The following SSH2 variants were observed in gnomAD, a reference collection of about 807,000 sequenced individuals.
SSH2 encodes slingshot protein phosphatase 2, also known as protein phosphatase Slingshot homolog 2.
SSH2 carries 37 observed loss-of-function variants against 135.2 expected under a neutral mutation model. The observed-to-expected ratio is 0.27, with a 90% CI of 0.21 to 0.36. The LOEUF (loss-of-function observed/expected upper bound fraction) is 0.36. Among genes scored for constraint, SSH2 ranks in the 10% least tolerant of loss-of-function variants. The pLI, the probability that SSH2 is intolerant of heterozygous loss-of-function variation, is 1.00. For missense variants in SSH2, 1,408 were observed against 1,765.3 expected, an observed-to-expected ratio of 0.80 and a Z score of 3.63; for synonymous variants, 628 against 646.2, an observed-to-expected ratio of 0.97 and a Z score of 0.43.
At chr17:29,719,411 C>A (rs2039741679) in intron 3 of SSH2, among the ~76,000 whole-genome samples, 1 of 151,306 alleles carries the variant, frequency 6.6e-6, no homozygotes, top group Non-Finnish European at 1.5e-5. Context: ...ACTCGGGAGG[C>A]TAAGGCAGGA....
intron 1 of SSH2, among the ~76,000 whole-genome samples, chr17:29,861,059 T>C (rs2065756228): frequency 6.6e-6 from 1 of 152,164 alleles, no homozygotes; most frequent in Non-Finnish European, 1.5e-5. Context: ...GGCCCACTTT[T>C]AAATGGAGTT....
chr17:29,854,607 A>G (rs569091397), intron 1 of SSH2, among the ~76,000 whole-genome samples: 1 of 151,842 alleles, frequency 6.6e-6, no homozygotes, highest in Admixed American at 6.6e-5. Context: ...TGTAAAATCT[A>G]ACTTGTTCAG....
chr17:29,663,097 G>A (rs998605278), intron 11 of SSH2, among the ~76,000 whole-genome samples: 2 of 151,808 alleles, frequency 1.3e-5, no homozygotes, highest in Non-Finnish European at 2.9e-5. Context: ...AAACACCCTG[G>A]CTTCCCACCA....
chr17:29,833,644 T>TTTCC (rs113649605), intron 2 of SSH2, among the ~76,000 whole-genome samples: 40 of 132,366 alleles, frequency 3.0e-4, no homozygotes, highest in South Asian at 2.9e-3. Context: ...TCTGTTTTTT[T>TTTCC]TTCCTTCCTT....
intron 1 of SSH2, among the ~76,000 whole-genome samples, chr17:29,871,825 G>C (rs2065940724): frequency 6.6e-6 from 1 of 152,152 alleles, no homozygotes. Flanking sequence ...AAATCTTAAA[G>C]ATGTTCATGA....
At chr17:29,709,050 A>AGAGAGC (rs982312745) in intron 3 of SSH2, among the ~76,000 whole-genome samples, 1 of 145,574 alleles carries the variant, frequency 6.9e-6, no homozygotes, top group Admixed American at 6.9e-5. Context: ...AGAGAGAGAG[A>AGAGAGC]GAGCTAATAA....
chr17:29,741,823 C>T (rs569385985), intron 3 of SSH2, among the ~76,000 whole-genome samples: 1 of 151,974 alleles, frequency 6.6e-6, no homozygotes, highest in African/African-American at 2.4e-5. Flanking sequence ...ACCATGTTGG[C>T]CAGGCTGGTG....
chr17:29,837,584 C>T (rs536258040), intron 2 of SSH2, among the ~76,000 whole-genome samples: 1 of 152,222 alleles, frequency 6.6e-6, no homozygotes, highest in South Asian at 2.1e-4. Context: ...CTGCACCACC[C>T]CCACCCTCGC....
chr17:29,659,708 T>C (rs1007470637), intron 11 of SSH2, among the ~76,000 whole-genome samples: 3 of 152,138 alleles, frequency 2.0e-5, no homozygotes, highest in Admixed American at 6.5e-5. Context: ...TTTTGTATTT[T>C]TAGTAGAGAC....
Position 29,631,903 on chromosome 17 carries a change from A to G in SSH2, c.3291T>C (p.Ser1097=), listed in dbSNP as rs1301922326. ...GCAGAGGTAGCACTTGGGGGTGCAG[A>G]GAAACCTGGTTGGGGTCCAGAGTCC... ...LNRTLDPNQV[S]LHPQVLPLPH... The change falls in exon 16 of 16, where the codon TCT becomes TCC. Residue 1097 remains serine (S), a synonymous_variant. Transcript: ENST00000540801. 8 of 1,614,090 alleles carry G rather than the reference A, an allele frequency of 5.0e-6. No individual in the cohort carries two copies. The South Asian group carries it at 7.7e-5, about 16-fold the overall frequency.
At chr17:29,915,096 T>C (rs1211142011) in intron 1 of SSH2, among the ~76,000 whole-genome samples, 2 of 152,184 alleles carry the variant, frequency 1.3e-5, no homozygotes, top group Admixed American at 6.5e-5. Context: ...TAGCATATTA[T>C]GTTCACAGAA....
Position 29,793,938 on chromosome 17 carries a change from C to T in SSH2, c.145-1G>A. ...ATTCTTCCTCCCCACTGTCTGCCTC[C>T]TGTATAGACAGAAAATGAAAAAAAA... On this transcript the variant is annotated splice_acceptor_variant, in intron 2 of 15. Transcript: ENST00000540801. LOFTEE classifies it high-confidence loss of function. 1.2e-6 allele frequency: 2 copies of T among 1,610,256 alleles called. No homozygotes were observed. Among genetic ancestry groups the T allele is most frequent in the Non-Finnish European group, 1.7e-6 (2 of 1,177,492 alleles).
At chr17:29,638,406 A>C (rs2036004993) in intron 14 of SSH2, among the ~76,000 whole-genome samples, 3 of 151,968 alleles carry the variant, frequency 2.0e-5, no homozygotes, top group African/African-American at 7.2e-5. Flanking sequence ...CTATGTTAGA[A>C]TAATATAGGA....
At chr17:29,913,386 A>ATAT (rs2066822343) in intron 1 of SSH2, among the ~76,000 whole-genome samples, 1 of 101,912 alleles carries the variant, frequency 9.8e-6, no homozygotes, top group Non-Finnish European at 1.9e-5. Flanking sequence ...ATATATATCC[A>ATAT]ATTTCTACTA....
At chr17:29,675,623 C>T (rs1244886158) in intron 8 of SSH2, among the ~76,000 whole-genome samples, 2 of 151,726 alleles carry the variant, frequency 1.3e-5, no homozygotes, top group African/African-American at 2.4e-5. Context: ...GAGAGACCCC[C>T]GTCTCCACAA....
At chr17:29,704,366 A>C (rs373329194) in intron 3 of SSH2, among the ~76,000 whole-genome samples, 53 of 152,302 alleles carry the variant, frequency 3.5e-4, no homozygotes, top group African/African-American at 1.2e-3. Context: ...CAAGATGATA[A>C]TATAGGTGGA....
intron 11 of SSH2, among the ~76,000 whole-genome samples, chr17:29,665,647 G>A (rs951522716): frequency 1.3e-5 from 2 of 152,218 alleles, no homozygotes; most frequent in African/African-American, 4.8e-5. Flanking sequence ...TGGTGAAAGT[G>A]TGTGGGAAGT....
intron 3 of SSH2, among the ~76,000 whole-genome samples, chr17:29,716,120 ACTCC>A (rs2039613688): frequency 6.6e-6 from 1 of 151,430 alleles, no homozygotes; most frequent in African/African-American, 2.4e-5. Context: ...CCTTGGTCCC[ACTCC>A]CTCATCTCCT....
At chr17:29,666,784 T>A (rs1431037109) in intron 11 of SSH2, 83 bp downstream of exon 11, 78 of 1,264,678 alleles carry the variant, frequency 6.2e-5, no homozygotes, top group Non-Finnish European at 8.1e-5. Flanking sequence ...TATTTATGTA[T>A]AATAAAATTT....
Sources: gnomAD v4.1 joint callset for allele counts (sites outside exome capture counted in the v4.1 genomes callset) on GRCh38, gnomAD v4.1.1 for gene constraint, MANE v1.5 for transcripts, NCBI Gene and HGNC (gene_info 2026-07-23, HGNC 2026-07-21) for gene names.